Variants in KIF26B observed in about 807,000 individuals in gnomAD.
The protein encoded by KIF26B is kinesin-like protein KIF26B.
A neutral mutation model predicts 151.2 loss-of-function variants in KIF26B; 63 were observed. That is an observed-to-expected ratio of 0.42 (90% confidence interval 0.34 to 0.51). The LOEUF (loss-of-function observed/expected upper bound fraction) is 0.51. Among genes scored for constraint, KIF26B ranks in the 20% least tolerant of loss-of-function variants. The probability of loss-of-function intolerance (pLI) is 0.07; values close to 1 mark genes in which losing one functional copy is unlikely to be tolerated. For synonymous variants in KIF26B, 1,357 were observed against 1,262.1 expected, an observed-to-expected ratio of 1.08 and a Z score of -1.59; for missense variants, 2,813 against 2,913.6, an observed-to-expected ratio of 0.97 and a Z score of 0.79.
chr1:245,169,330 T>TGTGTGGGG (rs1553330289), intron 2 of KIF26B, among the ~76,000 whole-genome samples: 1,491 of 142,380 alleles, frequency 0.01, 16 homozygotes, highest in African/African-American at 0.028. Context: ...CGGGCCATGG[T>TGTGTGGGG]GTGTGTGTGT....
intron 5 of KIF26B, among the ~76,000 whole-genome samples, chr1:245,569,466 C>T (rs529787217): frequency 1.8e-4 from 28 of 152,056 alleles, no homozygotes; most frequent in Admixed American, 4.6e-4. Context: ...AAAAATTAGC[C>T]GGGCATCGTG....
At chr1:245,578,515 C>T (rs148850954) in intron 5 of KIF26B, among the ~76,000 whole-genome samples, 5 of 152,296 alleles carry the variant, frequency 3.3e-5, no homozygotes, top group African/African-American at 1.2e-4. Context: ...ACACACAGCA[C>T]GAAACATGAG....
intron 2 of KIF26B, among the ~76,000 whole-genome samples, chr1:245,351,814 T>A (rs532009472): frequency 1.3e-5 from 2 of 152,332 alleles, no homozygotes; most frequent in South Asian, 4.1e-4. Flanking sequence ...AGCCTTTGAT[T>A]ACAGCTTGTT....
Position 245,688,591 on chromosome 1 carries a change from G to T in KIF26B, c.5608G>T (p.Asp1870Tyr). 1 of 1,578,560 alleles carries T rather than the reference G, an allele frequency of 6.3e-7. No homozygotes were observed. Among genetic ancestry groups the T allele is most frequent in the Non-Finnish European group, 8.6e-7 (1 of 1,165,310 alleles). Residue 1870 changes from aspartate (D) to tyrosine (Y), a missense_variant, in exon 12 of 15, where the codon GAC (aspartate) becomes TAC (tyrosine). By Grantham distance (160) the Asp-to-Tyr change is radical. Transcript: ENST00000407071. ...CCGCTGCAGCAGCGGCCACGGCAGCGACAACAGCAGCGTGCTGAGCGGGGA... is the reference window on the plus strand; with the variant it reads ...CCGCTGCAGCAGCGGCCACGGCAGCTACAACAGCAGCGTGCTGAGCGGGGA... ...PHRCSSGHGS[D>Y]NSSVLSGELP...
intron 9 of KIF26B, among the ~76,000 whole-genome samples, chr1:245,638,236 T>A (rs1369175280): frequency 2.6e-5 from 4 of 151,852 alleles, no homozygotes; most frequent in Non-Finnish European, 5.9e-5. Flanking sequence ...TTACTAGGTA[T>A]GTTTTTGTAG....
In KIF26B at chr1:245,688,033, C is replaced by T. The variant is rs984120949; in HGVS notation, c.5050C>T (p.Arg1684Trp). 4 of 1,557,396 alleles carry T rather than the reference C, an allele frequency of 2.6e-6. No homozygotes were observed. The highest frequency in any genetic ancestry group is 1.2e-5 in the South Asian group (1 of 84,584). The change falls in exon 12 of 15, where the codon CGG becomes TGG. Residue 1684 changes from arginine (R) to tryptophan (W), a missense_variant. By Grantham distance (101) the Arg-to-Trp change is moderately radical. Transcript: ENST00000407071. ...VSHYECLSLE[R>W]AESLSSVSSR... ...CCACTACGAATGCCTCTCCCTGGAG[C>T]GGGCCGAGAGCCTGTCCTCCGTGAG...
At chr1:245,366,404 C>T (rs566423507) in intron 2 of KIF26B, among the ~76,000 whole-genome samples, 6 of 151,882 alleles carry the variant, frequency 4.0e-5, no homozygotes, top group Non-Finnish European at 5.9e-5. Context: ...TGGTGGTGGG[C>T]GCCTGTAGTC....
rs1490971568 is a variant in KIF26B, at chr1:245,609,258, T to C, written c.1652-8T>C. On this transcript the variant is annotated splice_polypyrimidine_tract_variant and splice_region_variant and intron_variant, in intron 7 of 14. Coordinates refer to ENST00000407071, the MANE Select transcript of KIF26B (RefSeq NM_018012.4). ...AACCTGCTTTTCTTCCTTCCCTGGT[T>C]CTCCCAGGAAAATCCTACACCATGA... The C allele has an allele frequency of 1.9e-6, 3 of 1,588,768 alleles. No homozygotes were observed. Among genetic ancestry groups the C allele is most frequent in the Admixed American group, 1.7e-5 (1 of 57,664 alleles).
At chr1:245,661,030 G>C (rs191010268) in intron 10 of KIF26B, among the ~76,000 whole-genome samples, 124 of 146,666 alleles carry the variant, frequency 8.5e-4, no homozygotes, top group African/African-American at 3.0e-3. Context: ...TCTGTTGTCC[G>C]GGCTGGAGTG....
chr1:245,631,996 C>T (rs1427543413), intron 9 of KIF26B, among the ~76,000 whole-genome samples: 2 of 151,750 alleles, frequency 1.3e-5, no homozygotes, highest in East Asian at 1.9e-4. Flanking sequence ...AAAAATCAAG[C>T]TTTTATTTTC....
intron 2 of KIF26B, among the ~76,000 whole-genome samples, chr1:245,253,584 C>G (rs980432522): frequency 2.1e-4 from 32 of 151,956 alleles, no homozygotes; most frequent in African/African-American, 7.2e-4. Flanking sequence ...TTTCTACTCT[C>G]TGAAGAGTTT....
intron 4 of KIF26B, among the ~76,000 whole-genome samples, chr1:245,501,922 G>T (rs551492281): frequency 6.6e-5 from 10 of 152,102 alleles, no homozygotes; most frequent in Admixed American, 4.6e-4. Context: ...TTCATGGGAC[G>T]CCAGCTGTAC....
intron 10 of KIF26B, chr1:245,676,420 C>A (rs148368393): frequency 2.6e-5 from 4 of 152,186 alleles, no homozygotes; most frequent in African/African-American, 9.7e-5. Flanking sequence ...TCATTGCAAG[C>A]GAGTCTTGTT....
At chr1:245,392,320 A>C (rs1025327889) in intron 3 of KIF26B, among the ~76,000 whole-genome samples, 5 of 152,240 alleles carry the variant, frequency 3.3e-5, no homozygotes, top group African/African-American at 4.8e-5. Flanking sequence ...ATTCTATATT[A>C]TGATTTATGT....
At chr1:245,641,511 T>C (rs1169109166) in intron 9 of KIF26B, among the ~76,000 whole-genome samples, 5 of 151,094 alleles carry the variant, frequency 3.3e-5, no homozygotes, top group African/African-American at 4.9e-5. Flanking sequence ...ATAAGCTTTG[T>C]TCATTCCTTC....
At chr1:245,590,908 AAAAAAG>A (rs1253142152) in intron 5 of KIF26B, among the ~76,000 whole-genome samples, 4 of 133,546 alleles carry the variant, frequency 3.0e-5, no homozygotes, top group African/African-American at 1.2e-4. Context: ...CCTGTCTCAA[AAAAAAG>A]AAAAAAAAAA....
In KIF26B at chr1:245,156,664, CG is replaced by C; in HGVS notation, c.450del (p.Phe152SerfsTer11). The C allele has an allele frequency of 6.7e-7, 1 of 1,502,076 alleles. No homozygotes were observed. 93.0% of individuals were successfully genotyped at this position (1,502,076 alleles called of 1,614,324 possible). On this transcript the variant is annotated frameshift_variant, in exon 2 of 15. Transcript: ENST00000407071. LOFTEE classifies it high-confidence loss of function. ...AGGCAGGCCCTGAGGTTGCTCCTCC[CG>C]GGGCCCTTCCCGGGCAAGGTGAGCG... is the stretch of plus-strand genomic sequence containing the variant. ...LKRQALRLLL[P>X]GPFPGKDPAF... is the part of the protein sequence containing the mutation.
intron 4 of KIF26B, among the ~76,000 whole-genome samples, chr1:245,429,451 G>A (rs187624910): frequency 6.6e-6 from 1 of 152,088 alleles, no homozygotes; most frequent in Non-Finnish European, 1.5e-5. Context: ...AGAGCAATTC[G>A]CCCTTAAATC....
At chr1:245,638,755 C>T (rs1463389441) in intron 9 of KIF26B, among the ~76,000 whole-genome samples, 1 of 151,522 alleles carries the variant, frequency 6.6e-6, no homozygotes, top group Non-Finnish European at 1.5e-5. Flanking sequence ...ATATATTTTC[C>T]TTGATTCTGT....
Sources: allele counts gnomAD v4.1 joint callset (sites outside exome capture counted in the v4.1 genomes callset), GRCh38; gene constraint gnomAD v4.1.1; transcripts MANE v1.5; gene names NCBI Gene and HGNC (gene_info 2026-07-23, HGNC 2026-07-21).